PVALB: variants seen among roughly 807,000 people sequenced by gnomAD.
PVALB encodes the protein parvalbumin.
PVALB carries 11 observed loss-of-function variants against 10.9 expected under a neutral mutation model. The observed-to-expected ratio is 1.01, with a 90% CI of 0.63 to 1.67. PVALB has a LOEUF of 1.67. PVALB is among the 40% of genes most tolerant of loss of function. PVALB has a pLI of 0.00. For missense variants in PVALB, 131 were observed against 136.2 expected (o/e 0.96, Z 0.19); for synonymous variants, 57 against 50.7 (o/e 1.12, Z -0.53).
At chr22:36,813,825 G>T in intron 2 of PVALB, 70 bp from the exon 3 acceptor site, 1 of 1,192,528 alleles carries the variant, frequency 8.4e-7, no homozygotes, top group Non-Finnish European at 1.3e-6. Context: ...GCTGGATGGA[G>T]GGTGGTCTGG....
intron 3 of PVALB, among the ~76,000 whole-genome samples, chr22:36,807,672 C>T (rs1370812115): frequency 6.6e-6 from 1 of 152,164 alleles, no homozygotes; most frequent in African/African-American, 2.4e-5. Context: ...CCCCACTTTC[C>T]AGGTGTGGGA....
chr22:36,809,512 G>C lies in PVALB; in HGVS notation c.304+4134C>G, dbSNP rs546298099. On this transcript the variant is annotated intron_variant, in intron 3 of 3. Coordinates refer to ENST00000417718, the MANE Select transcript of PVALB (RefSeq NM_001315532.2). ...ACGTGCTTCGGAGCTCAAAAGACCC[G>C]ACTTTCAGACTTTGATCTTTTCTCT... Among the ~76,000 whole-genome samples, 3 of 152,302 alleles carry C rather than the reference G, an allele frequency of 2.0e-5. No individual in the cohort carries two copies. In the East Asian group the frequency reaches 5.8e-4, roughly 29 times the overall value.
At chr22:36,802,550 G>A (rs370788407) in intron 3 of PVALB, among the ~76,000 whole-genome samples, 10 of 136,442 alleles carry the variant, frequency 7.3e-5, no homozygotes, top group South Asian at 7.0e-4. Context: ...GCAGTGAGCC[G>A]AGATCGTGCC....
At chr22:36,809,342 C>A (rs1349387573) in intron 3 of PVALB, among the ~76,000 whole-genome samples, 1 of 152,054 alleles carries the variant, frequency 6.6e-6, no homozygotes, top group Non-Finnish European at 1.5e-5. Context: ...GGGATTAGAA[C>A]TGAAAAAAAC....
upstream of PVALB, among the ~76,000 whole-genome samples, chr22:36,818,003 C>A (rs761344652): frequency 6.6e-6 from 1 of 152,102 alleles, no homozygotes; most frequent in Admixed American, 6.6e-5. Context: ...AAAAATGTCA[C>A]GGTGCCTATC....
At chr22:36,819,205 G>A (rs573704106), upstream of PVALB, among the ~76,000 whole-genome samples, 36 of 152,256 alleles carry the variant, frequency 2.4e-4, no homozygotes, top group African/African-American at 7.9e-4. Flanking sequence ...GCCCAGCCAC[G>A]GGGGGCGGTG....
At chr22:36,813,181 A>AG (rs549785014) in intron 3 of PVALB, among the ~76,000 whole-genome samples, 39 of 152,244 alleles carry the variant, frequency 2.6e-4, no homozygotes, top group Non-Finnish European at 5.0e-4. Context: ...GACAGGAGAT[A>AG]GGAATTTCCA....
rs74834285 is a variant in PVALB, at chr22:36,811,876, C to G, written c.304+1770G>C. 8.8e-3 allele frequency among the ~76,000 whole-genome samples: 1,341 copies of G among 152,176 alleles called. 21 individuals are homozygous for G. The highest frequency in any genetic ancestry group is 0.03 in the African/African-American group (1,233 of 41,486). On this transcript the variant is annotated intron_variant, in intron 3 of 3. Transcript: ENST00000417718. ...GATGCCTTTCCAATACCCTCTGCTC[C>G]ACTCCTTTAAAACCACCTCCCTCCT... is the stretch of plus-strand genomic sequence containing the variant.
Position 36,815,242 on chromosome 22 carries a change from G to C in PVALB, c.62-7C>G, listed in dbSNP as rs141944639. The C allele has an allele frequency of 7.9e-5, 128 of 1,614,168 alleles. 1 individual carries two copies. The highest frequency in any genetic ancestry group is 4.6e-4 in the South Asian group (42 of 91,080). On this transcript the variant is annotated splice_region_variant and splice_polypyrimidine_tract_variant and intron_variant, in intron 1 of 3. Transcript: ENST00000417718. ...TGGTCGAAGGAGTCGGTAGCTGTGGGGGGAAGAGCAGGGTCAAACAAGGAC... is the reference window on the plus strand; with the variant it reads ...TGGTCGAAGGAGTCGGTAGCTGTGGCGGGAAGAGCAGGGTCAAACAAGGAC...
chr22:36,814,886 C>T (rs867799764), intron 2 of PVALB, among the ~76,000 whole-genome samples: 2 of 152,162 alleles, frequency 1.3e-5, no homozygotes, highest in Non-Finnish European at 2.9e-5. Context: ...TAGTTAGTTG[C>T]ACTTTCAGCT....
Position 36,800,865 on chromosome 22 carries a change from G to A in PVALB, c.*25C>T, listed in dbSNP as rs927096602. On this transcript the variant is annotated 3_prime_UTR_variant, in exon 4 of 4. Transcript: ENST00000417718. ...ATTGGGTGTTCAGGGCAGAGAGGTG[G>A]AAGACCAGGGGCAGTCAGTGCTTCT... 2.5e-6 allele frequency: 4 copies of A among 1,598,034 alleles called. No individual in the cohort carries two copies. The highest frequency in any genetic ancestry group is 3.4e-6 in the Non-Finnish European group (4 of 1,165,284).
chr22:36,815,085 C>A lies in PVALB; in HGVS notation c.194+18G>T. The stretch of plus-strand genomic sequence containing the variant: ...CGTGCAGCCGTGGGCTGGGCAGCCC[C>A]TGCAGGCCTCCGCTTACCCCAGCTC... On this transcript the variant is annotated intron_variant, in intron 2 of 3. Transcript: ENST00000417718. The A allele has an allele frequency of 6.2e-7, 1 of 1,613,840 alleles. No individual in the cohort carries two copies. Among genetic ancestry groups the A allele is most frequent in the Non-Finnish European group, 8.5e-7 (1 of 1,179,868 alleles).
chr22:36,813,369 G>GA (rs1031082601), intron 3 of PVALB: 647 of 399,714 alleles, frequency 1.6e-3, no homozygotes, highest in East Asian at 2.1e-3. Context: ...CAGAGTTCAG[G>GA]AAAAAAAAAT....
chr22:36,815,806 G>C (rs1055313278), intron 1 of PVALB, among the ~76,000 whole-genome samples: 2 of 152,118 alleles, frequency 1.3e-5, no homozygotes, highest in African/African-American at 4.8e-5. Context: ...CAGTGGGAAG[G>C]GGGTGTTAGG....
At chr22:36,813,273 A>G (rs766211225) in intron 3 of PVALB, among the ~76,000 whole-genome samples, 5 of 152,278 alleles carry the variant, frequency 3.3e-5, no homozygotes, top group Non-Finnish European at 5.9e-5. Flanking sequence ...GATGGGAGAC[A>G]GAGGCCCAGC....
At chr22:36,813,832 C>A in intron 2 of PVALB, 77 bp from the exon 3 acceptor site, 1 of 1,128,582 alleles carries the variant, frequency 8.9e-7, no homozygotes, top group South Asian at 1.2e-5. Flanking sequence ...GGAGGGTGGT[C>A]TGGTTTCTGT....
At chr22:36,810,622 G>A (rs1939031538) in intron 3 of PVALB, among the ~76,000 whole-genome samples, 1 of 152,210 alleles carries the variant, frequency 6.6e-6, no homozygotes. Context: ...TTGTGACCTT[G>A]CACTCACTCC....
chr22:36,814,057 C>T (rs1417455714), intron 2 of PVALB, among the ~76,000 whole-genome samples: 1 of 152,084 alleles, frequency 6.6e-6, no homozygotes, highest in African/African-American at 2.4e-5. Flanking sequence ...CTGTGTCTGG[C>T]GTATGCTGGA....
At chr22:36,803,026 T>A (rs1003526116) in intron 3 of PVALB, among the ~76,000 whole-genome samples, 1 of 152,242 alleles carries the variant, frequency 6.6e-6, no homozygotes, top group African/African-American at 2.4e-5. Flanking sequence ...GCAGTACTTT[T>A]ATTAATTATA....
Sources: gnomAD v4.1 joint callset for allele counts (sites outside exome capture counted in the v4.1 genomes callset) on GRCh38, gnomAD v4.1.1 for gene constraint, MANE v1.5 for transcripts, NCBI Gene and HGNC (gene_info 2026-07-23, HGNC 2026-07-21) for gene names.